Variants in MAD1L1 observed in about 807,000 individuals in gnomAD.
MAD1L1 encodes mitotic spindle assembly checkpoint protein MAD1.
A neutral mutation model predicts 96.9 loss-of-function variants in MAD1L1; 95 were observed. The observed-to-expected ratio is 0.98, with a 90% CI of 0.83 to 1.16. The LOEUF is 1.16. MAD1L1 is among the 50% of genes most tolerant of loss of function. The pLI is 0.00. For synonymous variants in MAD1L1, 473 were observed against 396.6 expected (o/e 1.19, Z -2.29); for missense variants, 1,007 against 954.4 (o/e 1.06, Z -0.73).
chr7:1,936,736 G>A lies in MAD1L1; in HGVS notation c.1758C>T (p.Ala586=), dbSNP rs777870871. 68 of 1,563,844 alleles carry A rather than the reference G, an allele frequency of 4.3e-5. 1 individual carries two copies. The highest frequency in any genetic ancestry group is 1.7e-4 in the Admixed American group (9 of 52,808). Residue 586 remains alanine, a synonymous_variant, in exon 17 of 19, where the codon GCC becomes GCT. Transcript: ENST00000265854. ...GACTCGCGGCGGCAGCCTCAAGGTC[G>A]GCTGGGACGGTGCCTCCTCTCTCCA... ...RAMERGGTVP[A]DLEAAAASLP...
chr7:1,880,386 G>A (rs557460993), intron 18 of MAD1L1, among the ~76,000 whole-genome samples: 1 of 152,120 alleles, frequency 6.6e-6, no homozygotes, highest in Non-Finnish European at 1.5e-5. Context: ...AGAGGAGCTG[G>A]GGAGCTGCTA....
At chr7:2,162,748 G>A (rs1790225897) in intron 10 of MAD1L1, among the ~76,000 whole-genome samples, 1 of 149,548 alleles carries the variant, frequency 6.7e-6, no homozygotes, top group African/African-American at 2.5e-5. Context: ...CCAGAAGTTG[G>A]CTAAGTGAGG....
intron 10 of MAD1L1, among the ~76,000 whole-genome samples, chr7:2,160,410 G>A (rs1267559191): frequency 1.4e-5 from 2 of 143,460 alleles, no homozygotes; most frequent in African/African-American, 5.2e-5. Flanking sequence ...TTGGCTCACT[G>A]AAAGCTCCGC....
chr7:2,017,861 G>A (rs549822414), intron 12 of MAD1L1, among the ~76,000 whole-genome samples: 8 of 152,188 alleles, frequency 5.3e-5, no homozygotes, highest in Non-Finnish European at 1.2e-4. Context: ...CTGAGACAGT[G>A]GGCAGAATAG....
intron 3 of MAD1L1, among the ~76,000 whole-genome samples, chr7:2,226,537 C>T (rs1419094807): frequency 6.6e-6 from 1 of 152,206 alleles, no homozygotes; most frequent in East Asian, 1.9e-4. Flanking sequence ...GAAGACTTGC[C>T]AAATAGTTCC....
intron 15 of MAD1L1, among the ~76,000 whole-genome samples, chr7:1,965,916 T>G (rs1780147387): frequency 6.6e-6 from 1 of 152,222 alleles, no homozygotes; most frequent in Admixed American, 6.5e-5. Flanking sequence ...GACCCGAAGA[T>G]CACAGAATGG....
intron 18 of MAD1L1, chr7:1,845,153 C>A (rs1358662403): frequency 6.6e-6 from 1 of 152,322 alleles, no homozygotes; most frequent in Non-Finnish European, 1.5e-5. Flanking sequence ...GATACGCTGA[C>A]CAGCTACTTG....
chr7:2,058,104 G>A (rs55901512), intron 12 of MAD1L1, among the ~76,000 whole-genome samples: 2 of 77,390 alleles, frequency 2.6e-5, no homozygotes, highest in African/African-American at 6.4e-5. Flanking sequence ...GAGAGGGAGT[G>A]TGGCCAGAGG....
chr7:1,919,713 G>A (rs1272828626), intron 17 of MAD1L1, among the ~76,000 whole-genome samples: 4 of 152,238 alleles, frequency 2.6e-5, no homozygotes, highest in African/African-American at 9.6e-5. Context: ...CCACATGTCA[G>A]AGCTGAGAGA....
intron 10 of MAD1L1, chr7:2,202,048 C>G (rs1792336881): frequency 6.6e-6 from 1 of 152,346 alleles, no homozygotes; most frequent in Non-Finnish European, 1.5e-5. Context: ...CAGGGGGGCC[C>G]TGTCACAGCA....
intron 14 of MAD1L1, among the ~76,000 whole-genome samples, chr7:1,982,565 GC>G (rs1467707467): frequency 3.9e-5 from 6 of 151,982 alleles, no homozygotes. Context: ...TTTGTTTCCC[GC>G]CCCCTTCACT....
At chr7:1,873,281 G>A (rs1301173028) in intron 18 of MAD1L1, among the ~76,000 whole-genome samples, 5 of 152,348 alleles carry the variant, frequency 3.3e-5, no homozygotes, top group South Asian at 2.1e-4. Context: ...GCTGGGGCGC[G>A]AGTCCGGGTC....
chr7:2,018,634 T>G (rs1474551765), intron 12 of MAD1L1, among the ~76,000 whole-genome samples: 1 of 152,170 alleles, frequency 6.6e-6, no homozygotes, highest in African/African-American at 2.4e-5. Flanking sequence ...CAGCTCCATA[T>G]GCAGAGGCCC....
chr7:1,854,023 C>T (rs193279220), intron 18 of MAD1L1, among the ~76,000 whole-genome samples: 3 of 152,352 alleles, frequency 2.0e-5, no homozygotes, highest in East Asian at 1.9e-4. Flanking sequence ...GGGAGCTTCA[C>T]GATTAATATC....
chr7:2,209,658 C>T (rs541495848), intron 10 of MAD1L1, among the ~76,000 whole-genome samples: 1 of 152,218 alleles, frequency 6.6e-6, no homozygotes, highest in Non-Finnish European at 1.5e-5. Flanking sequence ...GGGGCACCAC[C>T]TAGTGGCAGC....
intron 11 of MAD1L1, among the ~76,000 whole-genome samples, chr7:2,113,687 C>T (rs1469865251): frequency 3.3e-5 from 5 of 152,204 alleles, no homozygotes; most frequent in Non-Finnish European, 5.9e-5. Context: ...GGGAGGCCTT[C>T]GCCAGGTGAC....
intron 16 of MAD1L1, among the ~76,000 whole-genome samples, chr7:1,939,668 A>C (rs1778847876): frequency 6.6e-6 from 1 of 152,204 alleles, no homozygotes; most frequent in Non-Finnish European, 1.5e-5. Context: ...TATCTCCCAG[A>C]GGGGAACAGG....
In MAD1L1 at chr7:2,103,783, C is replaced by G. The variant is rs1354363892; in HGVS notation, c.1074-34445G>C. ...TAAGCAGACCCCCTGAACCACTGTG[C>G]ACGGAGTCCCTCCGCATCCCCAGGC... On this transcript the variant is annotated intron_variant, in intron 11 of 18. Coordinates refer to ENST00000265854, the MANE Select transcript of MAD1L1 (RefSeq NM_001013836.2). The surrounding 1 kb of genome is among the most constrained non-coding windows in gnomAD (Gnocchi z 4.3). 6.6e-6 allele frequency among the ~76,000 whole-genome samples: 1 copy of G among 152,200 alleles called. No homozygotes were observed.
At chr7:2,160,188 G>A (rs536025426) in intron 10 of MAD1L1, among the ~76,000 whole-genome samples, 29 of 150,704 alleles carry the variant, frequency 1.9e-4, no homozygotes, top group African/African-American at 5.4e-4. Flanking sequence ...CTATGATCGC[G>A]CACGGCACTC....
Sources: gnomAD v4.1 joint callset for allele counts (sites outside exome capture counted in the v4.1 genomes callset) on GRCh38, gnomAD v4.1.1 for gene constraint, Gnocchi (gnomAD v3.1) non-coding constraint, MANE v1.5 for transcripts, NCBI Gene and HGNC (gene_info 2026-07-23, HGNC 2026-07-21) for gene names.